The following TENM3 variants were observed in gnomAD, a reference collection of about 807,000 sequenced individuals.
TENM3 encodes the protein teneurin-3.
Under a neutral mutation model 255.1 loss-of-function variants are expected in TENM3, and 63 were observed. The observed-to-expected ratio is 0.25, with a 90% CI of 0.20 to 0.30. TENM3 has a LOEUF of 0.30. Ranked by LOEUF, TENM3 falls within the 10% of genes least tolerant of loss-of-function variation. The pLI, the probability that TENM3 is intolerant of heterozygous loss-of-function variation, is 1.00. For synonymous variants in TENM3, 1,306 were observed against 1,322.3 expected (o/e 0.99, Z 0.27); for missense variants, 2,929 against 3,461.1 (o/e 0.85, Z 3.86).
At chr4:182,496,325 T>G (rs1205989955) in intron 3 of TENM3, among the ~76,000 whole-genome samples, 1 of 152,158 alleles carries the variant, frequency 6.6e-6, no homozygotes, top group Non-Finnish European at 1.5e-5. Context: ...TCTCCTCACT[T>G]CCTTTTACAG....
chr4:182,170,809 A>C (rs556001325), intron 1 of TENM3, among the ~76,000 whole-genome samples: 1 of 152,322 alleles, frequency 6.6e-6, no homozygotes, highest in South Asian at 2.1e-4. Flanking sequence ...GAAAATGTTA[A>C]GTGGCAAAGT....
chr4:182,730,817 T>C (rs1760635357), intron 15 of TENM3, 61 bp from the exon 16 acceptor site: 1 of 1,559,234 alleles, frequency 6.4e-7, no homozygotes, highest in Admixed American at 1.7e-5. Flanking sequence ...CTTAAGGAGG[T>C]GTGTATTGGT....
intron 4 of TENM3, among the ~76,000 whole-genome samples, 186 bp from the exon 5 acceptor site, chr4:182,628,462 CATT>C (rs1751042937): frequency 6.6e-6 from 1 of 151,964 alleles, no homozygotes; most frequent in Non-Finnish European, 1.5e-5. Flanking sequence ...TCATTAGAGT[CATT>C]ATTGTGAGTT....
chr4:181,754,284 T>TCACAAA, the TENM3 span, among the ~76,000 whole-genome samples: 1 of 144,516 alleles, frequency 6.9e-6, no homozygotes, highest in African/African-American at 2.5e-5. Context: ...TATATCCCAG[T>TCACAAA]CACACACACA....
the TENM3 span, among the ~76,000 whole-genome samples, chr4:181,541,653 C>T: frequency 6.6e-6 from 1 of 152,196 alleles, no homozygotes; most frequent in African/African-American, 2.4e-5. Flanking sequence ...GGATGGCCCT[C>T]CCACAACTGG....
intron 1 of TENM3, among the ~76,000 whole-genome samples, chr4:182,275,991 T>C (rs1294250759): frequency 6.6e-6 from 1 of 152,138 alleles, no homozygotes; most frequent in Non-Finnish European, 1.5e-5. Flanking sequence ...TAAGGTGTTA[T>C]GTGTTAGAGG....
At chr4:182,000,895 G>A in the TENM3 span, among the ~76,000 whole-genome samples, 1 of 151,596 alleles carries the variant, frequency 6.6e-6, no homozygotes, top group Admixed American at 6.6e-5. Flanking sequence ...TATATAATAA[G>A]AAAGTCTAAA....
chr4:182,393,980 A>G (rs1380162140), intron 3 of TENM3, among the ~76,000 whole-genome samples: 1 of 152,206 alleles, frequency 6.6e-6, no homozygotes, highest in Non-Finnish European at 1.5e-5. Flanking sequence ...GAAGGCAGAG[A>G]ACAATTATAG....
At chr4:182,175,955 C>T (rs905679549) in intron 1 of TENM3, among the ~76,000 whole-genome samples, 6 of 149,746 alleles carry the variant, frequency 4.0e-5, no homozygotes, top group East Asian at 4.3e-4. Context: ...ACGGTAGCTC[C>T]GGCCATTTAG....
chr4:182,629,826 C>T (rs1270219408), intron 5 of TENM3, among the ~76,000 whole-genome samples: 1 of 152,138 alleles, frequency 6.6e-6, no homozygotes, highest in Admixed American at 6.6e-5. Context: ...CAGTATCTTC[C>T]ACTGGCTACA....
chr4:182,719,234 TAG>T (rs1759456825), intron 13 of TENM3, among the ~76,000 whole-genome samples: 1 of 143,964 alleles, frequency 6.9e-6, no homozygotes, highest in African/African-American at 2.6e-5. Context: ...ACCAGTAAAA[TAG>T]AGTTCTTTTT....
chr4:182,573,090 C>T (rs543279392), intron 3 of TENM3, among the ~76,000 whole-genome samples: 1 of 152,224 alleles, frequency 6.6e-6, no homozygotes, highest in South Asian at 2.1e-4. Flanking sequence ...CTTAAACCTC[C>T]AGAGGTAGTA....
intron 3 of TENM3, among the ~76,000 whole-genome samples, chr4:182,467,822 G>C (rs1345802835): frequency 1.3e-5 from 2 of 152,182 alleles, no homozygotes; most frequent in African/African-American, 4.8e-5. Context: ...CTGGTAATTA[G>C]AGTGTTAGAG....
chr4:181,921,865 G>A, the TENM3 span, among the ~76,000 whole-genome samples: 1 of 152,162 alleles, frequency 6.6e-6, no homozygotes, highest in Admixed American at 6.5e-5. Context: ...GATATTGGCT[G>A]TGGGTTTGTC....
At chr4:181,619,024 C>G in the TENM3 span, among the ~76,000 whole-genome samples, 1 of 152,252 alleles carries the variant, frequency 6.6e-6, no homozygotes, top group South Asian at 2.1e-4. Flanking sequence ...GGCTTCCTTG[C>G]TCTCTGACTT....
At position 182,688,271 on chromosome 4, in the gene TENM3, C is replaced by A. The variant is rs757822493; in HGVS notation, c.2141C>A (p.Pro714His). 1 of 1,613,916 alleles carries A rather than the reference C, an allele frequency of 6.2e-7. No individual in the cohort carries two copies. Among genetic ancestry groups the A allele is most frequent in the Non-Finnish European group, 8.5e-7 (1 of 1,179,860 alleles). ...GPACNQRACHPRCAEHGTCKD... is the reference protein window; with the variant it reads ...GPACNQRACHHRCAEHGTCKD... ...GCCTGTAATCAGAGAGCCTGCCACC[C>A]CCGCTGTGCCGAGCACGGGACCTGC... The change falls in exon 12 of 28, where the codon CCC becomes CAC. Residue 714 changes from proline to histidine, a missense_variant. By Grantham distance (77) the Pro-to-His change is moderately conservative (BLOSUM62 -2). This residue lies in a region of TENM3 where 1,608 missense variants were observed against 1,884.4 expected (regional missense o/e 0.85). Transcript: ENST00000511685.
chr4:182,655,602 C>T (rs1753684210), intron 6 of TENM3, among the ~76,000 whole-genome samples: 1 of 152,024 alleles, frequency 6.6e-6, no homozygotes, highest in Admixed American at 6.6e-5. Flanking sequence ...TAACTTTGGG[C>T]GGCGTGCTTG....
At chr4:182,319,435 A>G (rs1472847729) in intron 1 of TENM3, among the ~76,000 whole-genome samples, 1 of 151,998 alleles carries the variant, frequency 6.6e-6, no homozygotes, top group African/African-American at 2.4e-5. Context: ...AAGAGTTTGA[A>G]CTATGTACGA....
chr4:182,715,746 AACACACACACTCACAC>A (rs1759106476), intron 13 of TENM3, among the ~76,000 whole-genome samples: 1 of 151,994 alleles, frequency 6.6e-6, no homozygotes, highest in Non-Finnish European at 1.5e-5. Context: ...TCCAACCCAA[AACACACACACTCACAC>A]ACACACACAG....
Sources: gnomAD v4.1 joint callset for allele counts (sites outside exome capture counted in the v4.1 genomes callset) on GRCh38, gnomAD v4.1.1 for gene constraint, gnomAD v4.1.1 regional missense constraint, MANE v1.5 for transcripts, NCBI Gene and HGNC (gene_info 2026-07-23, HGNC 2026-07-21) for gene names.